The following TCIRG1 variants were observed in gnomAD, a reference collection of about 807,000 sequenced individuals.
TCIRG1 encodes the protein T cell immune regulator 1, ATPase H+ transporting V0 subunit a3.
Under a neutral mutation model 95.5 loss-of-function variants are expected in TCIRG1, and 86 were observed. The ratio of observed to expected loss-of-function variants is 0.90; its 90% CI spans 0.76 to 1.08. The LOEUF (loss-of-function observed/expected upper bound fraction) is 1.08. Among genes scored for constraint, TCIRG1 ranks in the 50% least tolerant of loss-of-function variants. The probability of loss-of-function intolerance (pLI) is 0.00; values close to 1 mark genes in which losing one functional copy is unlikely to be tolerated. For missense variants in TCIRG1, 1,069 were observed against 1,140.2 expected (o/e 0.94, Z 0.90); for synonymous variants, 499 against 501.3 (o/e 1.00, Z 0.06).
At chr11:68,049,600 A>T in intron 15 of TCIRG1, 63 bp from the exon 16 acceptor site, 1 of 1,573,834 alleles carries the variant, frequency 6.4e-7, no homozygotes, top group African/African-American at 1.3e-5. Flanking sequence ...GACTGCTGTG[A>T]CTCAGGTTCC....
At chr11:68,047,249 G>A (rs1855536507) in intron 10 of TCIRG1, among the ~76,000 whole-genome samples, 184 bp from the exon 11 acceptor site, 1 of 100,320 alleles carries the variant, frequency 1.0e-5, no homozygotes, top group Non-Finnish European at 2.0e-5. Context: ...GACCTCGGGT[G>A]ATGCCCCCCC....
In TCIRG1 at chr11:68,050,857, T is replaced by G. The variant is rs1384556645; in HGVS notation, c.*38T>G. ...GTCCTGCCAGACCTCCTTCCTGACC[T>G]CTGAGGCAGGAGAGGAATAAAGACG... On this transcript the variant is annotated 3_prime_UTR_variant, in exon 20 of 20. Transcript: ENST00000265686. 6.3e-7 allele frequency: 1 copy of G among 1,594,074 alleles called. No individual in the cohort carries two copies. The highest frequency in any genetic ancestry group is 8.6e-7 in the Non-Finnish European group (1 of 1,165,404).
At position 68,044,222 on chromosome 11, in the gene TCIRG1, A is replaced by G. The variant is rs762259521; in HGVS notation, c.898A>G (p.Lys300Glu). The change falls in exon 9 of 20, where the codon AAG becomes GAG. Residue 300 changes from lysine to glutamate, a missense_variant. Physicochemically the swap from Lys to Glu is moderately conservative, Grantham distance 56. Transcript: ENST00000265686. ...AGGGCAGGTGCAGGTCCACAAGATG[A>G]AGGCCGTGTACCTGGCCCTGAACCA... ...PPGQVQVHKM[K>E]AVYLALNQCS... 6.3e-7 allele frequency: 1 copy of G among 1,581,940 alleles called. No homozygotes were observed.
Position 68,044,970 on chromosome 11 carries a change from G to A in TCIRG1, c.1033G>A (p.Val345Met). 1.2e-6 allele frequency: 2 copies of A among 1,608,114 alleles called. No homozygotes were observed. The highest frequency in any genetic ancestry group is 1.7e-6 in the Non-Finnish European group (2 of 1,179,976). The part of the protein sequence containing the change: ...ALRDSSMEEG[V>M]SAVAHRIPCR... ...CCCTGGCACCCAGATGGAGGAGGGA[G>A]TGAGTGCCGTGGCTCACCGCATCCC... The change falls in exon 10 of 20, where the codon GTG becomes ATG. Residue 345 changes from valine to methionine, a missense_variant. Coordinates refer to ENST00000265686, the MANE Select transcript of TCIRG1 (RefSeq NM_006019.4).
intron 18 of TCIRG1, 61 bp from the exon 19 acceptor site, chr11:68,050,426 T>A: frequency 6.2e-7 from 1 of 1,610,086 alleles, no homozygotes; most frequent in South Asian, 1.1e-5. Flanking sequence ...CTGCGGCAGG[T>A]AGGTAGGGGG....
In TCIRG1 at chr11:68,050,034, G is replaced by A; in HGVS notation, c.2086G>A (p.Ala696Thr). 1.2e-6 allele frequency: 2 copies of A among 1,613,406 alleles called. No homozygotes were observed. The highest frequency in any genetic ancestry group is 1.7e-6 in the Non-Finnish European group (2 of 1,179,926). The change falls in exon 17 of 20, where the codon GCA (alanine) becomes ACA (threonine). Residue 696 changes from alanine (A) to threonine (T), a missense_variant. By Grantham distance (58) the Ala-to-Thr change is moderately conservative. Coordinates refer to ENST00000265686, the MANE Select transcript of TCIRG1 (RefSeq NM_006019.4). ...VNGWSSDEEK[A>T]GGLDDEEEAE... ...TGGCTGGAGCTCCGATGAGGAAAAG[G>A]CAGGGGGCCTGGATGATGAAGAGGA...
chr11:68,049,249 C>T lies in TCIRG1; in HGVS notation c.1842C>T (p.Phe614=), dbSNP rs374966103. The T allele has an allele frequency of 1.1e-5, 18 of 1,613,402 alleles. No homozygotes were observed. In the South Asian group the frequency reaches 1.2e-4, roughly 11 times the overall value. ...TCCTCATCCACTTCATCAACATGTT[C>T]CTCTTCTCCCACAGCCCCAGCAACA... ...PSILIHFINM[F]LFSHSPSNRL... is the part of the protein sequence containing the mutation. The change falls in exon 15 of 20, where the codon TTC becomes TTT. Residue 614 remains phenylalanine (F), a synonymous_variant. Transcript: ENST00000265686.
In TCIRG1 at chr11:68,050,662, C is replaced by A. The variant is rs377750765; in HGVS notation, c.2412C>A (p.His804Gln). Residue 804 changes from histidine (H) to glutamine (Q), a missense_variant and splice_region_variant, in exon 19 of 20, where the codon CAC becomes CAA. By Grantham distance (24) the His-to-Gln change is conservative. Coordinates refer to ENST00000265686, the MANE Select transcript of TCIRG1 (RefSeq NM_006019.4). ...CCTTCCTGCACGCCCTGCGGCTGCA[C>A]TGGTGAGCGACCACCCACTGGCCTG... is the stretch of plus-strand genomic sequence containing the variant. ...LSAFLHALRLHWVEFQNKFYS... is the reference protein window; with the variant it reads ...LSAFLHALRLQWVEFQNKFYS... 1 of 1,613,504 alleles carries A rather than the reference C, an allele frequency of 6.2e-7. No homozygotes were observed.
chr11:68,049,544 C>T (rs921921012), intron 15 of TCIRG1, 119 bp from the exon 16 acceptor site: 61 of 1,403,634 alleles, frequency 4.3e-5, no homozygotes, highest in Middle Eastern at 2.3e-4. Context: ...ACGGAGCCCC[C>T]GGGGGCCCTG....
chr11:68,051,753 C>G (rs554011187), downstream of TCIRG1, among the ~76,000 whole-genome samples: 1 of 152,188 alleles, frequency 6.6e-6, no homozygotes, highest in Non-Finnish European at 1.5e-5. Context: ...GCAGAGAAGG[C>G]TAAATGAAGG....
chr11:68,053,194 G>C (rs567566635), downstream of TCIRG1: 1 of 156,378 alleles, frequency 6.4e-6, no homozygotes, highest in Admixed American at 6.4e-5. Flanking sequence ...GGCCCAAAGA[G>C]CTAGGTCAAG....
At chr11:68,050,356 G>A (rs915782754) in intron 18 of TCIRG1, 102 bp downstream of exon 18, 26 of 1,600,232 alleles carry the variant, frequency 1.6e-5, no homozygotes, top group Non-Finnish European at 2.0e-5. Context: ...TTTCCCCTCT[G>A]TAAAGTGGGA....
intron 10 of TCIRG1, among the ~76,000 whole-genome samples, chr11:68,046,459 A>T (rs1855490972): frequency 6.6e-6 from 1 of 152,112 alleles, no homozygotes; most frequent in Admixed American, 6.6e-5. Flanking sequence ...CCTCATCTTC[A>T]CACACTGTTC....
In TCIRG1 at chr11:68,050,419, C is replaced by T. The variant is rs548001492; in HGVS notation, c.2237-68C>T. ...CCCGTGCAGGGAGGGCTTCAGGCTG[C>T]GGCAGGTAGGTAGGGGGCTGGCAGG... is the stretch of plus-strand genomic sequence containing the variant. On this transcript the variant is annotated intron_variant, in intron 18 of 19. Transcript: ENST00000265686. 3.8e-5 allele frequency: 62 copies of T among 1,610,590 alleles called. No homozygotes were observed. The Admixed American group carries it at 7.5e-4, about 19-fold the overall frequency.
chr11:68,042,092 C>T (rs556137205), intron 3 of TCIRG1, among the ~76,000 whole-genome samples: 6 of 150,186 alleles, frequency 4.0e-5, no homozygotes, highest in Admixed American at 2.6e-4. Flanking sequence ...CCCAGGACTT[C>T]GTCCTGTGGG....
At chr11:68,049,878 C>CTGAG (rs1476094451) in intron 16 of TCIRG1, 84 bp from the exon 17 acceptor site, 1 of 1,557,610 alleles carries the variant, frequency 6.4e-7, no homozygotes, top group Non-Finnish European at 8.7e-7. Flanking sequence ...TGACAGACTC[C>CTGAG]TGAGTGGCCA....
In TCIRG1 at chr11:68,049,977, G is replaced by A. The variant is rs748654590; in HGVS notation, c.2029G>A (p.Gly677Arg). The change falls in exon 17 of 20, where the codon GGG becomes AGG. Residue 677 changes from glycine (G) to arginine (R), a missense_variant. Physicochemically the swap from Gly to Arg is moderately radical, Grantham distance 125. Transcript: ENST00000265686. ...PADRQEENKA[G>R]LLDLPDASVN... is the part of the protein sequence containing the mutation. ...CATGCCCCAGGAGGAAAACAAGGCCGGGTTGCTGGACCTGCCTGACGCATC... is the reference window on the plus strand; with the variant it reads ...CATGCCCCAGGAGGAAAACAAGGCCAGGTTGCTGGACCTGCCTGACGCATC... The A allele has an allele frequency of 8.7e-6, 14 of 1,611,748 alleles. No individual in the cohort carries two copies. The highest frequency in any genetic ancestry group is 1.9e-4 in the Middle Eastern group (1 of 5,326).
chr11:68,043,150 C>T, intron 5 of TCIRG1, 119 bp downstream of exon 5: 3 of 1,529,330 alleles, frequency 2.0e-6, no homozygotes, highest in Non-Finnish European at 2.6e-6. Context: ...CTGGCCCCGC[C>T]TCCTCCTTCA....
In TCIRG1 at chr11:68,050,537, G is replaced by C. The variant is rs1319255953; in HGVS notation, c.2287G>C (p.Gly763Arg). 9.3e-6 allele frequency: 15 copies of C among 1,613,736 alleles called. No homozygotes were observed. The Admixed American group carries it at 2.5e-4, about 27-fold the overall frequency. Residue 763 changes from glycine (G) to arginine (R), a missense_variant, in exon 19 of 20, where the codon GGC becomes CGC. Coordinates refer to ENST00000265686, the MANE Select transcript of TCIRG1 (RefSeq NM_006019.4). ...AMVMRIGLGL[G>R]REVGVAAVVL... ...GGTGATGCGCATAGGCCTGGGCCTG[G>C]GCCGGGAGGTGGGCGTGGCGGCTGT...
Sources: gnomAD v4.1 joint callset for allele counts (sites outside exome capture counted in the v4.1 genomes callset) on GRCh38, gnomAD v4.1.1 for gene constraint, MANE v1.5 for transcripts, NCBI Gene and HGNC (gene_info 2026-07-23, HGNC 2026-07-21) for gene names.